Variants in ST8SIA1 observed in about 807,000 individuals in gnomAD.
ST8SIA1 encodes the protein ST8 alpha-N-acetyl-neuraminide alpha-2,8-sialyltransferase 1, also known as alpha-N-acetylneuraminide alpha-2,8-sialyltransferase.
ST8SIA1 carries 16 observed loss-of-function variants against 35.9 expected under a neutral mutation model. The observed-to-expected ratio is 0.45, with a 90% CI of 0.30 to 0.68. The LOEUF (loss-of-function observed/expected upper bound fraction) is 0.68, where lower values mean the gene tolerates loss of function less well. Ranked by LOEUF, ST8SIA1 falls within the 30% of genes least tolerant of loss-of-function variation. The pLI is 0.09. For synonymous variants in ST8SIA1, 170 were observed against 169.6 expected (o/e 1.00, Z -0.02); for missense variants, 383 against 453.6 (o/e 0.84, Z 1.41).
In ST8SIA1 at chr12:22,334,057, T is replaced by C. The variant is rs780055957; in HGVS notation, c.176A>G (p.Gln59Arg). ...YRLPNEKEIVQGVLQQGTAWR... is the reference protein window; with the variant it reads ...YRLPNEKEIVRGVLQQGTAWR... ...CGCCGTGCCCTGTTGCAGCACCCCCTGCACGATCTCTTTCTCGTTGGGCAG... is the reference window on the plus strand; with the variant it reads ...CGCCGTGCCCTGTTGCAGCACCCCCCGCACGATCTCTTTCTCGTTGGGCAG... The change falls in exon 1 of 5, where the codon CAG (glutamine) becomes CGG (arginine). Residue 59 changes from glutamine to arginine, a missense_variant. By Grantham distance (43) the Gln-to-Arg change is conservative. Transcript: ENST00000396037. The C allele has an allele frequency of 7.2e-5, 116 of 1,613,746 alleles. No individual in the cohort carries two copies. The highest frequency in any genetic ancestry group is 9.7e-5 in the Non-Finnish European group (115 of 1,180,012).
At chr12:22,225,412 AT>A (rs1437676563) in intron 4 of ST8SIA1, among the ~76,000 whole-genome samples, 1 of 152,090 alleles carries the variant, frequency 6.6e-6, no homozygotes, top group East Asian at 1.9e-4. Flanking sequence ...AATTGCTCAC[AT>A]TTCTCCTATT....
chr12:22,286,424 C>G (rs1197610857), intron 2 of ST8SIA1: 24 of 518,238 alleles, frequency 4.6e-5, no homozygotes, highest in South Asian at 2.5e-4. Context: ...CTGAGCAAAC[C>G]AAGGGTGGCT....
chr12:22,244,005 G>A (rs1216564201), intron 4 of ST8SIA1, among the ~76,000 whole-genome samples: 3 of 150,784 alleles, frequency 2.0e-5, no homozygotes, highest in South Asian at 2.1e-4. Context: ...ACTCCAGTCC[G>A]GGCAACAAGA....
intron 1 of ST8SIA1, among the ~76,000 whole-genome samples, chr12:22,332,728 C>T (rs1866784043): frequency 6.6e-6 from 1 of 152,148 alleles, no homozygotes; most frequent in Non-Finnish European, 1.5e-5. Flanking sequence ...CTTTTTAATC[C>T]TCTTTCCAGG....
intron 1 of ST8SIA1, among the ~76,000 whole-genome samples, chr12:22,298,552 C>G (rs537396804): frequency 1.3e-5 from 2 of 152,264 alleles, no homozygotes; most frequent in Admixed American, 6.5e-5. Flanking sequence ...TGGTTTTTTC[C>G]TACTCTCAAT....
In ST8SIA1 at chr12:22,196,048, A is replaced by G. The variant is rs1466640992; in HGVS notation, c.*5504T>C. The stretch of plus-strand genomic sequence containing the variant: ...ATCATTGATTATATCCCACAGCTTC[A>G]ACAAGAAAAAAATTACCTGAAAGAA... On this transcript the variant is annotated 3_prime_UTR_variant, in exon 5 of 5. Coordinates refer to ENST00000396037, the MANE Select transcript of ST8SIA1 (RefSeq NM_003034.4). 1 of 152,224 alleles carries G rather than the reference A, an allele frequency of 6.6e-6. No individual in the cohort carries two copies. Among genetic ancestry groups the G allele is most frequent in the Non-Finnish European group, 1.5e-5 (1 of 68,048 alleles). 9.4% of individuals were successfully genotyped at this position (152,224 alleles called of 1,614,324 possible). A position where few individuals can be genotyped will look rare whatever the true frequency, so the allele number is the denominator to read the frequency against.
At chr12:22,329,268 G>A (rs1415029547) in intron 1 of ST8SIA1, among the ~76,000 whole-genome samples, 1 of 152,034 alleles carries the variant, frequency 6.6e-6, no homozygotes, top group East Asian at 1.9e-4. Flanking sequence ...CCATCATTTT[G>A]TTCATGGATC....
chr12:22,215,558 T>G (rs981023079), intron 4 of ST8SIA1, among the ~76,000 whole-genome samples: 1 of 152,182 alleles, frequency 6.6e-6, no homozygotes, highest in Non-Finnish European at 1.5e-5. Context: ...GGGTGACATT[T>G]TAACACAAGT....
intron 4 of ST8SIA1, among the ~76,000 whole-genome samples, chr12:22,245,227 T>C (rs779480522): frequency 6.6e-6 from 1 of 152,214 alleles, no homozygotes; most frequent in Non-Finnish European, 1.5e-5. Context: ...TGGGTAGACC[T>C]GGTGCCTTTA....
chr12:22,299,482 A>G (rs1023965192), intron 1 of ST8SIA1, among the ~76,000 whole-genome samples: 2 of 152,158 alleles, frequency 1.3e-5, no homozygotes, highest in Admixed American at 6.6e-5. Flanking sequence ...AGAAAGTCCA[A>G]GCATGTCATG....
At chr12:22,227,639 C>A (rs796243919) in intron 4 of ST8SIA1, among the ~76,000 whole-genome samples, 63 of 152,176 alleles carry the variant, frequency 4.1e-4, no homozygotes, top group African/African-American at 1.4e-3. Flanking sequence ...AATTTTTTTT[C>A]TATTATTTCT....
In ST8SIA1 at chr12:22,235,350, A is replaced by G. The variant is rs906461000; in HGVS notation, c.584+13656T>C. Among the ~76,000 whole-genome samples the G allele has an allele frequency of 4.5e-4, 68 of 152,210 alleles. 1 individual carries two copies. Among genetic ancestry groups the G allele is most frequent in the Non-Finnish European group, 4.4e-5 (3 of 68,038 alleles). On this transcript the variant is annotated intron_variant, in intron 4 of 4. Transcript: ENST00000396037. ...TGGGACTATATTCTATTTAATCTAC[A>G]GGGTTTCTATTCTCCAATAAAATGA...
At chr12:22,240,164 T>C (rs1296465974) in intron 4 of ST8SIA1, among the ~76,000 whole-genome samples, 2 of 152,198 alleles carry the variant, frequency 1.3e-5, no homozygotes, top group African/African-American at 2.4e-5. Flanking sequence ...ATCTCATTTA[T>C]ATCTCTCAAC....
At chr12:22,276,295 C>G (rs1051818290) in intron 2 of ST8SIA1, among the ~76,000 whole-genome samples, 1 of 152,228 alleles carries the variant, frequency 6.6e-6, no homozygotes. Context: ...AGCTAAACGT[C>G]CTCTTTGCCA....
In ST8SIA1 at chr12:22,254,789, C is replaced by T. The variant is rs149265029; in HGVS notation, c.491+491G>A. On this transcript the variant is annotated intron_variant, in intron 3 of 4. Transcript: ENST00000396037. ...AGCGTCCCCTCGTTTGAAATTTACCCCTGCTCCTTTGTTCCCGTTTTCCCA... is the reference window on the plus strand; with the variant it reads ...AGCGTCCCCTCGTTTGAAATTTACCTCTGCTCCTTTGTTCCCGTTTTCCCA... Among the ~76,000 whole-genome samples the T allele has an allele frequency of 5.1e-4, 77 of 152,292 alleles. No homozygotes were observed. The East Asian group carries it at 0.01, about 21-fold the overall frequency.
chr12:22,268,959 T>C (rs1375063199), intron 2 of ST8SIA1, among the ~76,000 whole-genome samples: 5 of 152,222 alleles, frequency 3.3e-5, no homozygotes, highest in African/African-American at 1.2e-4. Context: ...AAGCTCCTCA[T>C]TTTTAAAAGT....
intron 1 of ST8SIA1, among the ~76,000 whole-genome samples, chr12:22,330,981 C>T (rs1347063338): frequency 6.6e-6 from 1 of 152,096 alleles, no homozygotes; most frequent in Non-Finnish European, 1.5e-5. Flanking sequence ...TTTCTATCAC[C>T]ACATAAACAT....
chr12:22,321,981 C>T (rs1866608364), intron 1 of ST8SIA1, among the ~76,000 whole-genome samples: 1 of 152,226 alleles, frequency 6.6e-6, no homozygotes, highest in Non-Finnish European at 1.5e-5. Flanking sequence ...CCCATGGGCT[C>T]ATGTATCTTT....
rs1268192762 is a variant in ST8SIA1 at position 22,249,059 on chromosome 12, A to T, written c.531T>A (p.Asp177Glu). 1 of 1,613,834 alleles carries T rather than the reference A, an allele frequency of 6.2e-7. No homozygotes were observed. Among genetic ancestry groups the T allele is most frequent in the Non-Finnish European group, 8.5e-7 (1 of 1,179,894 alleles). ...TCACTAACTGACTTTTGGATCCAAC[A>T]TCCTTAGTGTATTCACTTGACAAAG... is the stretch of plus-strand genomic sequence containing the variant. ...LPPLSSEYTK[D>E]VGSKSQLVTA... is the part of the protein sequence containing the mutation. Residue 177 changes from aspartate (D) to glutamate (E), a missense_variant, in exon 4 of 5, where the codon GAT becomes GAA. Coordinates refer to ENST00000396037, the MANE Select transcript of ST8SIA1 (RefSeq NM_003034.4).
Sources: gnomAD v4.1 joint callset for allele counts (sites outside exome capture counted in the v4.1 genomes callset) on GRCh38, gnomAD v4.1.1 for gene constraint, MANE v1.5 for transcripts, NCBI Gene and HGNC (gene_info 2026-07-23, HGNC 2026-07-21) for gene names.